Variants in ENOX1 observed in about 807,000 individuals in gnomAD.
The protein encoded by ENOX1 is candidate growth-related and time keeping constitutive hydroquinone (NADH) oxidase.
ENOX1 carries 42 observed loss-of-function variants against 82.5 expected under a neutral mutation model. That is an observed-to-expected ratio of 0.51 (90% CI 0.40 to 0.66). ENOX1 has a LOEUF of 0.66. Ranked by LOEUF, ENOX1 falls within the 30% of genes least tolerant of loss-of-function variation. The probability of loss-of-function intolerance (pLI) is 0.00; values close to 1 mark genes in which losing one functional copy is unlikely to be tolerated. For synonymous variants in ENOX1, 271 were observed against 282.2 expected (o/e 0.96, Z 0.40); for missense variants, 608 against 811.6 (o/e 0.75, Z 3.05).
At chr13:43,761,261 T>A (rs1295252348) in intron 1 of ENOX1, among the ~76,000 whole-genome samples, 1 of 152,086 alleles carries the variant, frequency 6.6e-6, no homozygotes, top group Non-Finnish European at 1.5e-5. Context: ...CCAGTGAAAA[T>A]TTTTAATAGA....
At chr13:43,732,286 A>T (rs994265748) in intron 1 of ENOX1, among the ~76,000 whole-genome samples, 1 of 152,286 alleles carries the variant, frequency 6.6e-6, no homozygotes, top group Non-Finnish European at 1.5e-5. Context: ...ATTTTCTCCT[A>T]GCTTTTTGTC....
intron 5 of ENOX1, among the ~76,000 whole-genome samples, chr13:43,371,864 T>C (rs1364158924): frequency 6.6e-6 from 1 of 152,194 alleles, no homozygotes; most frequent in Non-Finnish European, 1.5e-5. Flanking sequence ...ATCATGAATA[T>C]TCCTAAAGAG....
chr13:43,299,193 T>C (rs1226657585), intron 11 of ENOX1, among the ~76,000 whole-genome samples: 1 of 152,188 alleles, frequency 6.6e-6, no homozygotes, highest in African/African-American at 2.4e-5. Context: ...TCTCCACATT[T>C]AGATTCAGAC....
At chr13:43,235,016 C>A (rs1300805952) in intron 15 of ENOX1, among the ~76,000 whole-genome samples, 1 of 152,156 alleles carries the variant, frequency 6.6e-6, no homozygotes, top group Non-Finnish European at 1.5e-5. Context: ...AAGTTTACTG[C>A]AGATCATTAA....
At chr13:43,652,032 G>A (rs1182947503) in intron 2 of ENOX1, among the ~76,000 whole-genome samples, 1 of 148,960 alleles carries the variant, frequency 6.7e-6, no homozygotes, top group Non-Finnish European at 1.5e-5. Context: ...TATCTATTCT[G>A]TAAGTGAAGG....
chr13:43,537,512 C>T (rs1303769665), intron 2 of ENOX1, among the ~76,000 whole-genome samples: 1 of 152,140 alleles, frequency 6.6e-6, no homozygotes, highest in African/African-American at 2.4e-5. Flanking sequence ...TTTTTATCCC[C>T]AGGATGAAGT....
intron 2 of ENOX1, among the ~76,000 whole-genome samples, chr13:43,611,266 C>G (rs1250567136): frequency 1.3e-5 from 2 of 152,160 alleles, no homozygotes; most frequent in African/African-American, 4.8e-5. Context: ...ATATACCCAT[C>G]AATCCATCTG....
intron 13 of ENOX1, among the ~76,000 whole-genome samples, chr13:43,266,352 C>T (rs1019351961): frequency 3.3e-5 from 5 of 152,140 alleles, no homozygotes; most frequent in South Asian, 2.1e-4. Context: ...GTGTTTGATT[C>T]ATAACATTGG....
intron 1 of ENOX1, among the ~76,000 whole-genome samples, chr13:43,772,896 A>G (rs1037747861): frequency 6.6e-6 from 1 of 152,208 alleles, no homozygotes; most frequent in African/African-American, 2.4e-5. Flanking sequence ...CTATAATTTT[A>G]AAAACAACCT....
At chr13:43,580,245 GGGTTTT>G (rs2080650297) in intron 2 of ENOX1, among the ~76,000 whole-genome samples, 1 of 152,140 alleles carries the variant, frequency 6.6e-6, no homozygotes, top group East Asian at 1.9e-4. Flanking sequence ...TATGTTAACT[GGGTTTT>G]ATCATATTCA....
chr13:43,735,142 A>C (rs2089554736), intron 1 of ENOX1, among the ~76,000 whole-genome samples: 1 of 152,214 alleles, frequency 6.6e-6, no homozygotes, highest in Admixed American at 6.5e-5. Flanking sequence ...GTGGAAAATG[A>C]GGAACATATT....
At chr13:43,623,108 GC>G (rs1253548856) in intron 2 of ENOX1, among the ~76,000 whole-genome samples, 1 of 152,196 alleles carries the variant, frequency 6.6e-6, no homozygotes, top group South Asian at 2.1e-4. Flanking sequence ...CTGCCACCAT[GC>G]CCCCCTCAAC....
At chr13:43,454,921 G>A (rs948270191) in intron 3 of ENOX1, among the ~76,000 whole-genome samples, 2 of 151,300 alleles carry the variant, frequency 1.3e-5, no homozygotes, top group African/African-American at 4.9e-5. Context: ...CTCCCGTCCA[G>A]CCCCTCTGGT....
At chr13:43,552,338 C>A (rs1342133506) in intron 2 of ENOX1, among the ~76,000 whole-genome samples, 2 of 143,558 alleles carry the variant, frequency 1.4e-5, no homozygotes, top group East Asian at 4.4e-4. Context: ...AACCTAGAGG[C>A]TCTTAACTAA....
At chr13:43,565,839 C>A (rs928043329) in intron 2 of ENOX1, among the ~76,000 whole-genome samples, 3 of 152,074 alleles carry the variant, frequency 2.0e-5, no homozygotes, top group African/African-American at 7.2e-5. Flanking sequence ...AAAAAACAAG[C>A]AAGCAAAAAC....
chr13:43,643,297 C>T (rs1338362491), intron 2 of ENOX1, among the ~76,000 whole-genome samples: 3 of 152,104 alleles, frequency 2.0e-5, no homozygotes, highest in Non-Finnish European at 2.9e-5. Flanking sequence ...GACTAATGAT[C>T]GTGATCAGTT....
At chr13:43,578,347 A>G (rs542587015) in intron 2 of ENOX1, among the ~76,000 whole-genome samples, 1 of 152,332 alleles carries the variant, frequency 6.6e-6, no homozygotes, top group African/African-American at 2.4e-5. Context: ...CTAGATAAAA[A>G]AGAAGTGGTA....
chr13:43,665,622 G>A (rs868468207), intron 2 of ENOX1, among the ~76,000 whole-genome samples: 14 of 151,848 alleles, frequency 9.2e-5, no homozygotes, highest in African/African-American at 1.7e-4. Flanking sequence ...TGATAGAGGC[G>A]GCATGTAAAT....
chr13:43,534,682 G>C (rs775006557), intron 2 of ENOX1, among the ~76,000 whole-genome samples: 2 of 152,142 alleles, frequency 1.3e-5, no homozygotes, highest in Non-Finnish European at 1.5e-5. Flanking sequence ...GGTCTCTTCA[G>C]TCCAGTATTT....
Sources: allele counts gnomAD v4.1 joint callset (sites outside exome capture counted in the v4.1 genomes callset), GRCh38; gene constraint gnomAD v4.1.1; transcripts MANE v1.5; gene names NCBI Gene and HGNC (gene_info 2026-07-23, HGNC 2026-07-21).